The following PTPRD variants were observed in gnomAD, a reference collection of about 807,000 sequenced individuals.
The protein encoded by PTPRD is receptor-type tyrosine-protein phosphatase delta.
In PTPRD, 34 loss-of-function variants were observed where a neutral mutation model predicts 214.5. That is an observed-to-expected ratio of 0.16 (90% CI 0.12 to 0.21). The LOEUF (loss-of-function observed/expected upper bound fraction) is 0.21, where lower values mean the gene tolerates loss of function less well. Ranked by LOEUF, PTPRD falls within the 10% of genes least tolerant of loss-of-function variation. PTPRD has a pLI of 1.00. For missense variants in PTPRD, 2,545 were observed against 2,398.7 expected (o/e 1.06, Z -1.27); for synonymous variants, 1,128 against 845.7 (o/e 1.33, Z -5.79).
At chr9:10,520,842 T>C (rs538935711) in intron 2 of PTPRD, among the ~76,000 whole-genome samples, 27 of 151,746 alleles carry the variant, frequency 1.8e-4, no homozygotes, top group Admixed American at 3.3e-4. Context: ...GCACAGTAAA[T>C]AGAATATTTT....
intron 3 of PTPRD, among the ~76,000 whole-genome samples, chr9:10,075,875 A>G (rs73392137): frequency 0.019 from 2,926 of 152,154 alleles, 99 homozygotes; most frequent in African/African-American, 0.065. Context: ...TTCATCTTCT[A>G]TAACGATATG....
chr9:9,213,147 T>C (rs1340842389), intron 9 of PTPRD, among the ~76,000 whole-genome samples: 3 of 152,192 alleles, frequency 2.0e-5, no homozygotes, highest in Non-Finnish European at 4.4e-5. Context: ...AAGGTGCTCT[T>C]ATATACCACT....
intron 11 of PTPRD, among the ~76,000 whole-genome samples, chr9:8,836,586 C>A (rs906653694): frequency 4.4e-4 from 46 of 105,348 alleles, no homozygotes; most frequent in Non-Finnish European, 7.6e-4. Flanking sequence ...TTAATAAAAA[C>A]CTTTTTTTTT....
intron 7 of PTPRD, among the ~76,000 whole-genome samples, chr9:9,668,302 G>A (rs1038037534): frequency 8.5e-5 from 13 of 152,254 alleles, no homozygotes; most frequent in African/African-American, 3.1e-4. Flanking sequence ...ATGGTCTTCA[G>A]CAAGTCTTCG....
chr9:9,944,680 A>G (rs1484511002), intron 4 of PTPRD, among the ~76,000 whole-genome samples: 1 of 152,100 alleles, frequency 6.6e-6, no homozygotes, highest in Non-Finnish European at 1.5e-5. Flanking sequence ...AGATTGCTTA[A>G]AAACAGCAAG....
chr9:8,635,212 G>A (rs1014467059), intron 13 of PTPRD, among the ~76,000 whole-genome samples: 1 of 150,988 alleles, frequency 6.6e-6, no homozygotes, highest in Non-Finnish European at 1.5e-5. Flanking sequence ...GGGGAATTAG[G>A]CATTGAGCAG....
intron 10 of PTPRD, among the ~76,000 whole-genome samples, chr9:9,081,812 T>A (rs2154422251): frequency 6.6e-6 from 1 of 151,644 alleles, no homozygotes; most frequent in South Asian, 2.1e-4. Context: ...AGACTAGGAT[T>A]GCAACTCCTG....
intron 3 of PTPRD, among the ~76,000 whole-genome samples, chr9:10,214,011 C>G (rs773691057): frequency 6.6e-6 from 1 of 152,046 alleles, no homozygotes; most frequent in Non-Finnish European, 1.5e-5. Context: ...AATTATCTAT[C>G]AACAGCTGTA....
intron 33 of PTPRD, chr9:8,451,755 T>C (rs10977117): frequency 0.43 from 143,457 of 337,314 alleles, 32,165 homozygotes; most frequent in East Asian, 0.52. Flanking sequence ...TTGGCAAGGA[T>C]GCATTTCTTT....
intron 12 of PTPRD, among the ~76,000 whole-genome samples, chr9:8,714,956 T>G (rs1038774832): frequency 2.6e-5 from 4 of 152,248 alleles, no homozygotes; most frequent in African/African-American, 9.6e-5. Context: ...TTTTTTTTTT[T>G]GTCTGTCTTG....
rs144038851 is a variant in PTPRD, at chr9:8,425,224, A to G, written c.4086+11368T>C. On this transcript the variant is annotated intron_variant, in intron 35 of 45. Transcript: ENST00000381196. ...CCTTGTTCCAATCTCTTCTTGCAGC[A>G]TTGTTAAAATTTTCCCCGAAAGCTG... Among the ~76,000 whole-genome samples, 235 of 152,322 alleles carry G rather than the reference A, an allele frequency of 1.5e-3. 1 individual carries two copies. In the East Asian group the frequency reaches 0.018, roughly 12 times the overall value.
At chr9:8,560,322 G>C (rs893186152) in intron 14 of PTPRD, among the ~76,000 whole-genome samples, 1 of 151,850 alleles carries the variant, frequency 6.6e-6, no homozygotes, top group Non-Finnish European at 1.5e-5. Context: ...CCATAACCAA[G>C]TTTAAAACTT....
chr9:10,168,168 G>A (rs927133068), intron 3 of PTPRD, among the ~76,000 whole-genome samples: 1 of 152,176 alleles, frequency 6.6e-6, no homozygotes. Flanking sequence ...TATGAAAATT[G>A]CATTGTAGTT....
intron 30 of PTPRD, 120 bp downstream of exon 30, chr9:8,483,996 GAGC>G (rs1170178336): frequency 7.8e-7 from 1 of 1,278,020 alleles, no homozygotes; most frequent in African/African-American, 1.5e-5. Context: ...CTGGGAGTCT[GAGC>G]AGAAGAATCT....
chr9:10,123,225 T>C (rs532873094), intron 3 of PTPRD, among the ~76,000 whole-genome samples: 133 of 152,356 alleles, frequency 8.7e-4, no homozygotes, highest in African/African-American at 3.1e-3. Flanking sequence ...CTCCTTCCTA[T>C]CCTTTAAATT....
chr9:8,482,080 C>A (rs10511498), intron 30 of PTPRD, among the ~76,000 whole-genome samples: 4 of 152,106 alleles, frequency 2.6e-5, no homozygotes, highest in South Asian at 4.1e-4. Flanking sequence ...CATGCCTGGC[C>A]ATCTTTAATC....
At chr9:8,886,732 G>T (rs2098492273) in intron 11 of PTPRD, among the ~76,000 whole-genome samples, 1 of 152,060 alleles carries the variant, frequency 6.6e-6, no homozygotes, top group Non-Finnish European at 1.5e-5. Flanking sequence ...TCTACATTTT[G>T]CCAAGTAAAC....
intron 11 of PTPRD, among the ~76,000 whole-genome samples, chr9:8,961,092 A>G (rs1008168416): frequency 6.6e-6 from 1 of 152,068 alleles, no homozygotes; most frequent in Non-Finnish European, 1.5e-5. Flanking sequence ...AGCTGCCACA[A>G]AGACATGCAT....
At chr9:8,666,747 T>G (rs1013605694) in intron 12 of PTPRD, among the ~76,000 whole-genome samples, 4 of 152,194 alleles carry the variant, frequency 2.6e-5, no homozygotes, top group African/African-American at 4.8e-5. Flanking sequence ...GTATAATGAA[T>G]GTCCTGTGAG....
Sources: allele counts gnomAD v4.1 joint callset (sites outside exome capture counted in the v4.1 genomes callset), GRCh38; gene constraint gnomAD v4.1.1; transcripts MANE v1.5; gene names NCBI Gene and HGNC (gene_info 2026-07-23, HGNC 2026-07-21).